The following AGTPBP1 variants were observed in gnomAD, a reference collection of about 807,000 sequenced individuals.
AGTPBP1 encodes cytosolic carboxypeptidase 1.
AGTPBP1 carries 70 observed loss-of-function variants against 143.9 expected under a neutral mutation model. That is an observed-to-expected ratio of 0.49 (90% confidence interval 0.40 to 0.59). AGTPBP1 has a LOEUF of 0.59. AGTPBP1 is among the 20% of genes least tolerant of loss of function. The probability of loss-of-function intolerance (pLI) is 0.00; values close to 1 mark genes in which losing one functional copy is unlikely to be tolerated. For synonymous variants in AGTPBP1, 463 were observed against 500.2 expected (o/e 0.93, Z 0.99); for missense variants, 1,229 against 1,464.5 (o/e 0.84, Z 2.62).
At chr9:85,758,143 T>C in the AGTPBP1 span, among the ~76,000 whole-genome samples, 5 of 152,068 alleles carry the variant, frequency 3.3e-5, no homozygotes, top group African/African-American at 1.2e-4. Context: ...GATACCTGAC[T>C]CTGAAATATG....
intron 2 of AGTPBP1, among the ~76,000 whole-genome samples, chr9:85,700,799 C>T (rs1836592032): frequency 1.3e-5 from 2 of 152,264 alleles, no homozygotes; most frequent in South Asian, 4.1e-4. Flanking sequence ...ACAACAACCT[C>T]TAGGTTAATA....
intron 3 of AGTPBP1, among the ~76,000 whole-genome samples, chr9:85,686,892 T>C (rs1835518357): frequency 6.6e-6 from 1 of 152,136 alleles, no homozygotes; most frequent in Non-Finnish European, 1.5e-5. Flanking sequence ...AAATGGCAGA[T>C]GTAAATCCAA....
intron 13 of AGTPBP1, among the ~76,000 whole-genome samples, chr9:85,635,231 G>C (rs1454304326): frequency 6.6e-6 from 1 of 152,020 alleles, no homozygotes; most frequent in African/African-American, 2.4e-5. Flanking sequence ...CTTTTAATCT[G>C]GGTTAATTTC....
intron 9 of AGTPBP1, among the ~76,000 whole-genome samples, chr9:85,660,004 C>T (rs757753396): frequency 3.3e-5 from 5 of 151,846 alleles, no homozygotes; most frequent in African/African-American, 9.7e-5. Flanking sequence ...TTATTTACTA[C>T]TAATACCTAA....
At chr9:85,740,741 T>C (rs1824199558) in intron 1 of AGTPBP1, among the ~76,000 whole-genome samples, 1 of 152,238 alleles carries the variant, frequency 6.6e-6, no homozygotes, top group Non-Finnish European at 1.5e-5. Context: ...GTTAAGGTCC[T>C]TTCTAACTAC....
chr9:85,724,687 T>A (rs1002853392), intron 1 of AGTPBP1, among the ~76,000 whole-genome samples: 1 of 152,204 alleles, frequency 6.6e-6, no homozygotes, highest in Non-Finnish European at 1.5e-5. Context: ...ATTCTTTTTA[T>A]TCACACAATA....
At chr9:85,611,280 C>T (rs1248413690) in intron 17 of AGTPBP1, among the ~76,000 whole-genome samples, 1 of 147,190 alleles carries the variant, frequency 6.8e-6, no homozygotes, top group South Asian at 2.1e-4. Context: ...AACCCAAACA[C>T]ATCAATTGTA....
At chr9:85,653,778 CTT>C (rs1833318321) in intron 11 of AGTPBP1, among the ~76,000 whole-genome samples, 1 of 152,220 alleles carries the variant, frequency 6.6e-6, no homozygotes, top group Admixed American at 6.5e-5. Context: ...CACCACATCT[CTT>C]GAATGTTCTG....
chr9:85,629,651 T>C lies in AGTPBP1; in HGVS notation c.2015+3011A>G, dbSNP rs557664476. On this transcript the variant is annotated intron_variant, in intron 14 of 25. Coordinates refer to ENST00000357081, the MANE Select transcript of AGTPBP1 (RefSeq NM_001330701.2). ...GAGATATGACAGCTAGTCAAAGTCA[T>C]CATGCATTTAACTATAATACATCTA... 9.8e-5 allele frequency among the ~76,000 whole-genome samples: 15 copies of C among 152,336 alleles called. No homozygotes were observed. The East Asian group carries it at 2.5e-3, about 25-fold the overall frequency.
intron 23 of AGTPBP1, among the ~76,000 whole-genome samples, chr9:85,580,347 A>G (rs1418386113): frequency 1.3e-5 from 2 of 151,378 alleles, no homozygotes; most frequent in African/African-American, 4.8e-5. Context: ...TTTCTCATAA[A>G]TTGTTTTTTG....
chr9:85,754,053 G>A, the AGTPBP1 span, among the ~76,000 whole-genome samples: 11 of 152,108 alleles, frequency 7.2e-5, no homozygotes, highest in African/African-American at 1.7e-4. Context: ...GAAATGTGCT[G>A]TATTTTTTGT....
At chr9:85,777,282 G>A in the AGTPBP1 span, among the ~76,000 whole-genome samples, 2 of 152,190 alleles carry the variant, frequency 1.3e-5, no homozygotes, top group Admixed American at 6.5e-5. Flanking sequence ...CGGAGTAAGT[G>A]TCTGTTCCAG....
intron 15 of AGTPBP1, among the ~76,000 whole-genome samples, chr9:85,620,015 T>A (rs1830822535): frequency 6.6e-6 from 1 of 152,160 alleles, no homozygotes; most frequent in African/African-American, 2.4e-5. Context: ...ATTAAATAAA[T>A]AAGGTATATG....
chr9:85,583,114 GAC>G (rs1469034586), intron 23 of AGTPBP1, among the ~76,000 whole-genome samples: 2 of 152,148 alleles, frequency 1.3e-5, no homozygotes, highest in African/African-American at 4.8e-5. Context: ...AAGGAACACA[GAC>G]ATGCTAGGGG....
At chr9:85,754,608 A>G in the AGTPBP1 span, among the ~76,000 whole-genome samples, 1 of 152,196 alleles carries the variant, frequency 6.6e-6, no homozygotes, top group Non-Finnish European at 1.5e-5. Context: ...TAATCCACAA[A>G]CTAATTTTGA....
chr9:85,639,367 G>GCACA (rs60915473), intron 13 of AGTPBP1, among the ~76,000 whole-genome samples: 21,273 of 147,140 alleles, frequency 0.14, 1,708 homozygotes, highest in East Asian at 0.23. Flanking sequence ...GCGCGCACGC[G>GCACA]CACACACACA....
At chr9:85,692,564 A>G (rs1362246446) in intron 3 of AGTPBP1, 125 bp downstream of exon 3, 9 of 1,218,012 alleles carry the variant, frequency 7.4e-6, no homozygotes, top group African/African-American at 1.5e-5. Flanking sequence ...GTGAGCCACC[A>G]CACCCGGCCT....
At chr9:85,672,025 T>A (rs62569205) in intron 7 of AGTPBP1, among the ~76,000 whole-genome samples, 1 of 152,124 alleles carries the variant, frequency 6.6e-6, no homozygotes, top group South Asian at 2.1e-4. Flanking sequence ...CTATCCTTTA[T>A]AAATTGGAGA....
chr9:85,734,800 G>A (rs980521136), intron 1 of AGTPBP1, among the ~76,000 whole-genome samples: 7 of 152,094 alleles, frequency 4.6e-5, no homozygotes, highest in Non-Finnish European at 7.4e-5. Context: ...ATGGGAGGCC[G>A]AGGCAAGTGG....
Sources: gnomAD v4.1 joint callset for allele counts (sites outside exome capture counted in the v4.1 genomes callset) on GRCh38, gnomAD v4.1.1 for gene constraint, MANE v1.5 for transcripts, NCBI Gene and HGNC (gene_info 2026-07-23, HGNC 2026-07-21) for gene names.